TGIF2: variants seen among roughly 807,000 people sequenced by gnomAD.
The protein encoded by TGIF2 is TGFB induced factor homeobox 2, also known as homeobox protein TGIF2.
In TGIF2, 5 loss-of-function variants were observed where a neutral mutation model predicts 15.1. The ratio of observed to expected loss-of-function variants is 0.33; its 90% confidence interval spans 0.17 to 0.70. The LOEUF (loss-of-function observed/expected upper bound fraction) is 0.70. Ranked by LOEUF, TGIF2 falls within the 30% of genes least tolerant of loss-of-function variation. The pLI is 0.67. For missense variants in TGIF2, 264 were observed against 302.5 expected (o/e 0.87, Z 0.94); for synonymous variants, 131 against 128.9 (o/e 1.02, Z -0.11).
intron 2 of TGIF2, among the ~76,000 whole-genome samples, chr20:36,587,457 C>T (rs376485808): frequency 2.0e-5 from 3 of 151,524 alleles, no homozygotes; most frequent in East Asian, 1.9e-4. Flanking sequence ...GTGACCTGCC[C>T]ATTTTTCCCC....
At chr20:36,585,974 G>C (rs6015994) in intron 2 of TGIF2, among the ~76,000 whole-genome samples, 5 of 152,140 alleles carry the variant, frequency 3.3e-5, no homozygotes, top group Non-Finnish European at 7.3e-5. Flanking sequence ...AGCCCATACC[G>C]GGGCAGGGGC....
chr20:36,586,297 G>A (rs1178091501), intron 2 of TGIF2, among the ~76,000 whole-genome samples: 1 of 152,190 alleles, frequency 6.6e-6, no homozygotes, highest in African/African-American at 2.4e-5. Context: ...CTAAGCCTGG[G>A]CGGCCAGACT....
intron 2 of TGIF2, among the ~76,000 whole-genome samples, chr20:36,585,477 A>AC (rs1359706744): frequency 1.3e-5 from 2 of 151,016 alleles, no homozygotes; most frequent in Admixed American, 1.3e-4. Context: ...AAAAAAAAAA[A>AC]AAAAAAAAAA....
chr20:36,578,821 C>T lies in TGIF2; in HGVS notation c.47C>T (p.Ala16Val), dbSNP rs371719080. ...LGEDEGLLSL[A>V]GKRKRRGNLP... is the part of the protein sequence containing the mutation. ...GAGGACGAAGGCCTCCTCTCCCTGGCGGGCAAAAGGAAGCGCAGGGGGAAC... is the reference window on the plus strand; with the variant it reads ...GAGGACGAAGGCCTCCTCTCCCTGGTGGGCAAAAGGAAGCGCAGGGGGAAC... The change falls in exon 2 of 3, where the codon GCG (alanine) becomes GTG (valine). Residue 16 changes from alanine (A) to valine (V), a missense_variant. Coordinates refer to ENST00000373872, the MANE Select transcript of TGIF2 (RefSeq NM_021809.7). 14 of 1,613,952 alleles carry T rather than the reference C, an allele frequency of 8.7e-6. No homozygotes were observed. Among genetic ancestry groups the T allele is most frequent in the Admixed American group, 3.3e-5 (2 of 59,998 alleles).
At chr20:36,576,851 T>C (rs1249386100) in intron 1 of TGIF2, among the ~76,000 whole-genome samples, 2 of 151,964 alleles carry the variant, frequency 1.3e-5, no homozygotes, top group South Asian at 2.1e-4. Context: ...ACCACAGACA[T>C]GCATTACCGT....
At chr20:36,581,305 C>T (rs2038541595) in intron 2 of TGIF2, among the ~76,000 whole-genome samples, 1 of 152,198 alleles carries the variant, frequency 6.6e-6, no homozygotes, top group African/African-American at 2.4e-5. Context: ...GAGAGAGGCT[C>T]CAGACACATT....
intron 1 of TGIF2, among the ~76,000 whole-genome samples, chr20:36,576,528 G>C (rs2147919995): frequency 6.6e-6 from 1 of 152,276 alleles, no homozygotes; most frequent in East Asian, 1.9e-4. Context: ...GCTCACAAGA[G>C]GGGGTGGGGA....
In TGIF2 at chr20:36,593,075, C is replaced by T. The variant is rs2038795546; in HGVS notation, c.*1644C>T. ...CCACGCCCAGCCTCTTTTGCTGTTTCATTGCTGACAGTGTTCAACAATATG... is the reference window on the plus strand; with the variant it reads ...CCACGCCCAGCCTCTTTTGCTGTTTTATTGCTGACAGTGTTCAACAATATG... On this transcript the variant is annotated 3_prime_UTR_variant, in exon 3 of 3. Transcript: ENST00000373872. 1 of 152,590 alleles carries T rather than the reference C, an allele frequency of 6.6e-6. No individual in the cohort carries two copies. The highest frequency in any genetic ancestry group is 2.1e-4 in the South Asian group (1 of 4,830). 9.5% of individuals were successfully genotyped at this position (152,590 alleles called of 1,614,324 possible).
chr20:36,583,377 G>C (rs1454417145), intron 2 of TGIF2, among the ~76,000 whole-genome samples: 1 of 151,796 alleles, frequency 6.6e-6, no homozygotes, highest in Non-Finnish European at 1.5e-5. Flanking sequence ...AGACTTTCTT[G>C]AGCCCAGGAG....
At chr20:36,585,310 C>T (rs939275042) in intron 2 of TGIF2, among the ~76,000 whole-genome samples, 3 of 151,790 alleles carry the variant, frequency 2.0e-5, no homozygotes, top group African/African-American at 7.3e-5. Flanking sequence ...CCAGTCTGAC[C>T]AATGTGGTGA....
In TGIF2 at chr20:36,591,194, C is replaced by T; in HGVS notation, c.477C>T (p.Thr159=). 1.9e-6 allele frequency: 3 copies of T among 1,614,172 alleles called. No homozygotes were observed. Among genetic ancestry groups the T allele is most frequent in the Non-Finnish European group, 1.7e-6 (2 of 1,180,000 alleles). ...TGGAGTCTCCCAAGCCCCTGGTGACCCCTGGTAGCACACTTACTCTGCTGA... is the reference window on the plus strand; with the variant it reads ...TGGAGTCTCCCAAGCCCCTGGTGACTCCTGGTAGCACACTTACTCTGCTGA... The part of the protein sequence containing the change: ...GELESPKPLV[T]PGSTLTLLTR... Residue 159 remains threonine, a synonymous_variant, in exon 3 of 3, where the codon ACC becomes ACT. Coordinates refer to ENST00000373872, the MANE Select transcript of TGIF2 (RefSeq NM_021809.7). This position sits in a 1 kb window ranked among gnomAD's most constrained non-coding sequence, Gnocchi z 5.3.
chr20:36,578,735 T>C lies in TGIF2; in HGVS notation c.-34-6T>C, dbSNP rs533997755. 28 of 1,573,860 alleles carry C rather than the reference T, an allele frequency of 1.8e-5. No homozygotes were observed. The South Asian group carries it at 2.8e-4, about 16-fold the overall frequency. ...ATGTTCCCATCCCCTGTGTCCCTTG[T>C]CCCAGGTTTACCCAAGGTCCAGCCT... is the stretch of plus-strand genomic sequence containing the variant. On this transcript the variant is annotated splice_region_variant and splice_polypyrimidine_tract_variant and intron_variant, in intron 1 of 2. Transcript: ENST00000373872.
At chr20:36,585,860 G>A (rs1001719653) in intron 2 of TGIF2, among the ~76,000 whole-genome samples, 1 of 152,178 alleles carries the variant, frequency 6.6e-6, no homozygotes, top group Admixed American at 6.5e-5. Context: ...TGCCAGGCCC[G>A]GGACTCTGTG....
intron 1 of TGIF2, among the ~76,000 whole-genome samples, chr20:36,576,580 G>A (rs2038433694): frequency 6.6e-6 from 1 of 152,100 alleles, no homozygotes; most frequent in Non-Finnish European, 1.5e-5. Context: ...TAACCTGGGG[G>A]TGGGATTTTT....
At chr20:36,578,136 G>C (rs2038469678) in intron 1 of TGIF2, among the ~76,000 whole-genome samples, 1 of 152,216 alleles carries the variant, frequency 6.6e-6, no homozygotes, top group Non-Finnish European at 1.5e-5. Context: ...GTACAGGCCA[G>C]GCATGGTGGC....
At chr20:36,575,516 G>A (rs1177811247) in intron 1 of TGIF2, among the ~76,000 whole-genome samples, 1 of 152,156 alleles carries the variant, frequency 6.6e-6, no homozygotes, top group Non-Finnish European at 1.5e-5. Context: ...ACCTAGAAAT[G>A]GCTGTCTGAC....
intron 2 of TGIF2, among the ~76,000 whole-genome samples, chr20:36,589,682 C>T (rs1188537583): frequency 6.6e-6 from 1 of 151,918 alleles, no homozygotes; most frequent in East Asian, 1.9e-4. Flanking sequence ...TGAGCCACCA[C>T]GCTCGACCGA....
At chr20:36,577,524 G>GTTT (rs573112103) in intron 1 of TGIF2, among the ~76,000 whole-genome samples, 5 of 132,516 alleles carry the variant, frequency 3.8e-5, no homozygotes, top group African/African-American at 1.1e-4. Flanking sequence ...GTTTGTTTTT[G>GTTT]TTTTTTTTTT....
intron 2 of TGIF2, among the ~76,000 whole-genome samples, chr20:36,588,051 C>CA (rs1426205456): frequency 1.4e-5 from 2 of 147,690 alleles, no homozygotes; most frequent in Non-Finnish European, 3.0e-5. Context: ...GCCTGGGTGA[C>CA]AGAGTGAGAC....
Sources: gnomAD v4.1 joint callset for allele counts (sites outside exome capture counted in the v4.1 genomes callset) on GRCh38, gnomAD v4.1.1 for gene constraint, Gnocchi (gnomAD v3.1) non-coding constraint, MANE v1.5 for transcripts, NCBI Gene and HGNC (gene_info 2026-07-23, HGNC 2026-07-21) for gene names.